The following DENND5A variants were observed in gnomAD, a reference collection of about 807,000 sequenced individuals.
DENND5A encodes the protein DENN domain-containing protein 5A.
DENND5A carries 64 observed loss-of-function variants against 140.3 expected under a neutral mutation model. The ratio of observed to expected loss-of-function variants is 0.46; its 90% CI spans 0.37 to 0.56. DENND5A has a LOEUF of 0.56. DENND5A is among the 20% of genes least tolerant of loss of function. DENND5A has a pLI of 0.00. For synonymous variants in DENND5A, 605 were observed against 607.7 expected (o/e 1.00, Z 0.07); for missense variants, 1,292 against 1,593.8 (o/e 0.81, Z 3.22).
chr11:9,169,754 T>G, intron 10 of DENND5A, 102 bp downstream of exon 10: 2 of 766,976 alleles, frequency 2.6e-6, no homozygotes, highest in Non-Finnish European at 4.6e-6. Flanking sequence ...GGTGAGGTCA[T>G]TGCTGAGACG....
At chr11:9,174,275 A>G (rs1375658794) in intron 8 of DENND5A, among the ~76,000 whole-genome samples, 1 of 151,942 alleles carries the variant, frequency 6.6e-6, no homozygotes, top group Non-Finnish European at 1.5e-5. Context: ...TTAAATGTAC[A>G]TGGTCTGAAG....
At chr11:9,191,883 G>C (rs183333352) in intron 5 of DENND5A, among the ~76,000 whole-genome samples, 42 of 152,268 alleles carry the variant, frequency 2.8e-4, no homozygotes, top group Non-Finnish European at 5.1e-4. Flanking sequence ...ATATTAAATA[G>C]ACATTTGTTT....
intron 1 of DENND5A, among the ~76,000 whole-genome samples, chr11:9,208,480 C>T (rs574797527): frequency 2.0e-5 from 3 of 152,292 alleles, no homozygotes; most frequent in East Asian, 3.9e-4. Flanking sequence ...ATCCTTTACC[C>T]TAAATCAATC....
intron 6 of DENND5A, among the ~76,000 whole-genome samples, chr11:9,179,576 C>T (rs997658351): frequency 9.2e-5 from 14 of 151,518 alleles, no homozygotes; most frequent in African/African-American, 2.9e-4. Context: ...CTCGGCTCAC[C>T]GCAACCTCTG....
At chr11:9,212,366 TTAA>T (rs2136223387) in intron 1 of DENND5A, among the ~76,000 whole-genome samples, 1 of 152,104 alleles carries the variant, frequency 6.6e-6, no homozygotes, top group African/African-American at 2.4e-5. Flanking sequence ...ATTTGAAGAA[TTAA>T]TAATCAAAAT....
intron 5 of DENND5A, among the ~76,000 whole-genome samples, chr11:9,182,789 T>C (rs1235192570): frequency 6.6e-6 from 1 of 152,174 alleles, no homozygotes; most frequent in East Asian, 1.9e-4. Flanking sequence ...AGAAAGAGAC[T>C]GATTATCCAA....
At chr11:9,255,684 T>C (rs1851915433) in intron 1 of DENND5A, among the ~76,000 whole-genome samples, 1 of 151,938 alleles carries the variant, frequency 6.6e-6, no homozygotes. Context: ...TCTAATATGG[T>C]GAAACTCTGT....
chr11:9,208,289 T>C (rs1244171488), intron 1 of DENND5A, among the ~76,000 whole-genome samples: 1 of 152,282 alleles, frequency 6.6e-6, no homozygotes, highest in Non-Finnish European at 1.5e-5. Context: ...ATCTTTCACC[T>C]ACGTGGCCTA....
chr11:9,179,789 G>A (rs533911274), intron 6 of DENND5A, among the ~76,000 whole-genome samples: 6 of 152,104 alleles, frequency 3.9e-5, no homozygotes, highest in African/African-American at 1.2e-4. Flanking sequence ...GTGAGCCACC[G>A]CATCCAGCCC....
At chr11:9,213,722 G>C (rs558256483) in intron 1 of DENND5A, among the ~76,000 whole-genome samples, 1 of 149,220 alleles carries the variant, frequency 6.7e-6, no homozygotes, top group Admixed American at 6.8e-5. Flanking sequence ...TGGCACGATC[G>C]CTTGAACCCT....
rs1849736963 is a variant in DENND5A, at chr11:9,207,638, T to C, written c.110-6A>G. 2 of 1,598,714 alleles carry C rather than the reference T, an allele frequency of 1.3e-6. No individual in the cohort carries two copies. Among genetic ancestry groups the C allele is most frequent in the African/African-American group, 1.3e-5 (1 of 74,560 alleles). On this transcript the variant is annotated splice_region_variant and splice_polypyrimidine_tract_variant and intron_variant, in intron 1 of 22. Transcript: ENST00000328194. ...CTGTATGTACTGGCATAATGCTATA[T>C]GATAAATGAAATAACAGAGTATTAC...
chr11:9,188,495 CAGG>C (rs1359139111), intron 5 of DENND5A, among the ~76,000 whole-genome samples: 1 of 152,146 alleles, frequency 6.6e-6, no homozygotes, highest in East Asian at 1.9e-4. Context: ...TTGGAGGGAT[CAGG>C]AGAAGACAGG....
intron 1 of DENND5A, among the ~76,000 whole-genome samples, chr11:9,210,221 T>C (rs533894180): frequency 1.4e-4 from 21 of 152,212 alleles, no homozygotes; most frequent in Non-Finnish European, 2.4e-4. Flanking sequence ...ATTTAGACCC[T>C]TGGAAATTCA....
chr11:9,236,485 T>C (rs913375698), intron 1 of DENND5A, among the ~76,000 whole-genome samples: 1 of 151,574 alleles, frequency 6.6e-6, no homozygotes, highest in Non-Finnish European at 1.5e-5. Context: ...TGAGCCAAAA[T>C]TGCACCACTG....
At chr11:9,261,577 A>G (rs1852199868) in intron 1 of DENND5A, among the ~76,000 whole-genome samples, 1 of 152,112 alleles carries the variant, frequency 6.6e-6, no homozygotes, top group South Asian at 2.1e-4. Context: ...CAAGAATTCA[A>G]GACCAGCCTG....
chr11:9,242,292 C>T (rs547845190), intron 1 of DENND5A, among the ~76,000 whole-genome samples: 1 of 152,246 alleles, frequency 6.6e-6, no homozygotes, highest in Admixed American at 6.5e-5. Flanking sequence ...GAATAAAAAA[C>T]AGAGAAAACT....
Position 9,238,901 on chromosome 11 carries a change from G to A in DENND5A, c.109+26060C>T, listed in dbSNP as rs553941228. Among the ~76,000 whole-genome samples the A allele has an allele frequency of 2.2e-3, 329 of 148,160 alleles. 1 individual carries two copies. Among genetic ancestry groups the A allele is most frequent in the Middle Eastern group, 0.01 (3 of 290 alleles). On this transcript the variant is annotated intron_variant, in intron 1 of 22. Transcript: ENST00000328194. ...GGATGGAGTGCAGTGGCTTGATCTC[G>A]GCTCATTGCAATTTCCGCCTCCTGG...
At chr11:9,235,419 G>T (rs1052802207) in intron 1 of DENND5A, among the ~76,000 whole-genome samples, 4 of 152,168 alleles carry the variant, frequency 2.6e-5, no homozygotes, top group African/African-American at 9.7e-5. Context: ...AGCACTTTGG[G>T]AGGCCAAGAT....
chr11:9,139,644 G>T lies in DENND5A; in HGVS notation c.*27C>A. 1 of 1,606,424 alleles carries T rather than the reference G, an allele frequency of 6.2e-7. No homozygotes were observed. Among genetic ancestry groups the T allele is most frequent in the Non-Finnish European group, 8.5e-7 (1 of 1,175,928 alleles). Reference sequence around the variant, plus strand: ...AGAGCTGCAGGGTGAGTCTTTCTCAGTCCTGCTGCTGGCTGGTGCTGGGAG... The same window carrying T: ...AGAGCTGCAGGGTGAGTCTTTCTCATTCCTGCTGCTGGCTGGTGCTGGGAG... On this transcript the variant is annotated 3_prime_UTR_variant, in exon 23 of 23. Coordinates refer to ENST00000328194, the MANE Select transcript of DENND5A (RefSeq NM_015213.4).
Sources: allele counts gnomAD v4.1 joint callset (sites outside exome capture counted in the v4.1 genomes callset), GRCh38; gene constraint gnomAD v4.1.1; transcripts MANE v1.5; gene names NCBI Gene and HGNC (gene_info 2026-07-23, HGNC 2026-07-21).